The following HMG20A variants were observed in gnomAD, a reference collection of about 807,000 sequenced individuals.
HMG20A encodes the protein high mobility group 20A.
Under a neutral mutation model 43.9 loss-of-function variants are expected in HMG20A, and 17 were observed. The observed-to-expected ratio is 0.39, with a 90% CI of 0.27 to 0.58. The LOEUF (loss-of-function observed/expected upper bound fraction) is 0.58, where lower values mean the gene tolerates loss of function less well. Ranked by LOEUF, HMG20A falls within the 20% of genes least tolerant of loss-of-function variation. HMG20A has a pLI of 0.59. For missense variants in HMG20A, 341 were observed against 438.2 expected (o/e 0.78, Z 1.98); for synonymous variants, 132 against 147.5 (o/e 0.89, Z 0.76).
chr15:77,436,458 T>C (rs2073549601), intron 1 of HMG20A, among the ~76,000 whole-genome samples: 1 of 152,102 alleles, frequency 6.6e-6, no homozygotes, highest in Non-Finnish European at 1.5e-5. Flanking sequence ...ATTTTCTTTT[T>C]TTTTTTTCCC....
chr15:77,449,543 A>G (rs1196608991), intron 1 of HMG20A, among the ~76,000 whole-genome samples: 3 of 152,186 alleles, frequency 2.0e-5, no homozygotes, highest in Non-Finnish European at 4.4e-5. Flanking sequence ...TATCAAAGTC[A>G]GTTGTGTTTA....
At chr15:77,517,010 G>A in the HMG20A span, among the ~76,000 whole-genome samples, 204 of 152,224 alleles carry the variant, frequency 1.3e-3, 1 homozygote, top group Non-Finnish European at 2.5e-3. Context: ...TCAGTCCCTC[G>A]TCCAGACCCC....
At chr15:77,491,066 T>C in the HMG20A span, among the ~76,000 whole-genome samples, 1 of 152,264 alleles carries the variant, frequency 6.6e-6, no homozygotes, top group African/African-American at 2.4e-5. Flanking sequence ...TGCATCTGCA[T>C]TTGTTTAAGA....
At chr15:77,497,682 AGTGTGTGTGT>A in the HMG20A span, among the ~76,000 whole-genome samples, 8 of 118,988 alleles carry the variant, frequency 6.7e-5, no homozygotes, top group African/African-American at 1.3e-4. Flanking sequence ...AGAGAGAGAG[AGTGTGTGTGT>A]GTGTGTGTGT....
intron 9 of HMG20A, among the ~76,000 whole-genome samples, chr15:77,480,312 TAAAA>T (rs2072894639): frequency 6.6e-6 from 1 of 150,620 alleles, no homozygotes; most frequent in African/African-American, 2.4e-5. Flanking sequence ...TTTTTTTAAA[TAAAA>T]AATAAATAAA....
intron 6 of HMG20A, among the ~76,000 whole-genome samples, chr15:77,476,486 GAAAAAAAAAAAA>G (rs148901766): frequency 0.41 from 33,462 of 81,766 alleles, 5,018 homozygotes; most frequent in Middle Eastern, 0.56. Flanking sequence ...CTCCCTCTCA[GAAAAAAAAAAAA>G]AAAAAAAAAA....
At chr15:77,433,644 C>G (rs2073513607) in intron 1 of HMG20A, among the ~76,000 whole-genome samples, 1 of 152,094 alleles carries the variant, frequency 6.6e-6, no homozygotes, top group African/African-American at 2.4e-5. Context: ...CACGAGCAAC[C>G]AACAGTTAGA....
intron 5 of HMG20A, 86 bp downstream of exon 5, chr15:77,471,128 A>G: frequency 7.4e-7 from 1 of 1,345,404 alleles, no homozygotes; most frequent in Non-Finnish European, 1.0e-6. Context: ...GGTAACTATA[A>G]AAGATGTGTT....
At chr15:77,458,941 C>T (rs921350646) in intron 2 of HMG20A, among the ~76,000 whole-genome samples, 2 of 152,166 alleles carry the variant, frequency 1.3e-5, no homozygotes, top group African/African-American at 4.8e-5. Context: ...CATCCCACCC[C>T]CTTCTCCTTT....
At chr15:77,488,560 A>G (rs2072957207), downstream of HMG20A, among the ~76,000 whole-genome samples, 1 of 152,170 alleles carries the variant, frequency 6.6e-6, no homozygotes, top group Non-Finnish European at 1.5e-5. Flanking sequence ...GTGGGGGATC[A>G]GTATCTTAAC....
At chr15:77,436,770 C>G (rs768564429) in intron 1 of HMG20A, among the ~76,000 whole-genome samples, 1 of 152,118 alleles carries the variant, frequency 6.6e-6, no homozygotes, top group African/African-American at 2.4e-5. Flanking sequence ...TAGATCCATT[C>G]TTACACATCT....
chr15:77,433,445 CA>C (rs2073511079), intron 1 of HMG20A, among the ~76,000 whole-genome samples: 1 of 151,818 alleles, frequency 6.6e-6, no homozygotes, highest in African/African-American at 2.4e-5. Flanking sequence ...CAGTGTTACT[CA>C]AACTCTTCAA....
At chr15:77,464,936 G>A (rs983556330) in intron 3 of HMG20A, 17 of 151,588 alleles carry the variant, frequency 1.1e-4, no homozygotes, top group African/African-American at 3.4e-4. Context: ...AATAAAGAGT[G>A]CCACCATTGA....
rs2072918370 is a variant in HMG20A, at chr15:77,483,058, G to C, written c.*95G>C. 2 of 152,262 alleles carry C rather than the reference G, an allele frequency of 1.3e-5. No homozygotes were observed. Among genetic ancestry groups the C allele is most frequent in the Non-Finnish European group, 2.9e-5 (2 of 68,076 alleles). The allele number at this position is 152,262 out of a possible 1,614,324, so 9.4% of individuals were successfully genotyped here. ...GAAATTTGAACTGAGTGGGGGCAGA[G>C]AAAGAGTGCAGATCCCTTTGCTTGT... On this transcript the variant is annotated 3_prime_UTR_variant, in exon 10 of 10. Transcript: ENST00000336216.
intron 1 of HMG20A, among the ~76,000 whole-genome samples, chr15:77,438,137 A>ATTTTTT (rs34192592): frequency 1.8e-5 from 2 of 113,456 alleles, no homozygotes; most frequent in African/African-American, 3.4e-5. Flanking sequence ...TTTAGTTTTA[A>ATTTTTT]TTTTTTTTTT....
chr15:77,519,917 G>A, the HMG20A span, among the ~76,000 whole-genome samples: 1 of 152,022 alleles, frequency 6.6e-6, no homozygotes, highest in East Asian at 1.9e-4. Flanking sequence ...CCCAGTACAT[G>A]GGGCCAGGCA....
At chr15:77,506,712 C>T in the HMG20A span, among the ~76,000 whole-genome samples, 13 of 152,248 alleles carry the variant, frequency 8.5e-5, no homozygotes, top group African/African-American at 2.4e-4. Flanking sequence ...TTCACGCCTG[C>T]GGAATGGGTG....
At chr15:77,443,755 G>C (rs1017964232) in intron 1 of HMG20A, among the ~76,000 whole-genome samples, 3 of 151,666 alleles carry the variant, frequency 2.0e-5, no homozygotes, top group African/African-American at 7.3e-5. Context: ...ACCTAGGCTG[G>C]AGTGCAGTGG....
In HMG20A at chr15:77,428,744, C is replaced by T. The variant is rs77484945; in HGVS notation, c.-5+7740C>T. Among the ~76,000 whole-genome samples, 1,448 of 152,156 alleles carry T rather than the reference C, an allele frequency of 9.5e-3. 30 individuals carry two copies. The highest frequency in any genetic ancestry group is 0.033 in the African/African-American group (1,381 of 41,510). On this transcript the variant is annotated intron_variant, in intron 1 of 9. Coordinates refer to ENST00000336216, the MANE Select transcript of HMG20A (RefSeq NM_001304504.2). ...CTTTGGGAAGCCAAGGCAGAAGGATCGCCTTAGCTCAGGAGTTTGGGACCG... is the reference window on the plus strand; with the variant it reads ...CTTTGGGAAGCCAAGGCAGAAGGATTGCCTTAGCTCAGGAGTTTGGGACCG...
Sources: allele counts gnomAD v4.1 joint callset (sites outside exome capture counted in the v4.1 genomes callset), GRCh38; gene constraint gnomAD v4.1.1; transcripts MANE v1.5; gene names NCBI Gene and HGNC (gene_info 2026-07-23, HGNC 2026-07-21).